The following RBPJ variants were observed in gnomAD, a reference collection of about 807,000 sequenced individuals.
The protein encoded by RBPJ is recombining binding protein suppressor of hairless.
In RBPJ, 9 loss-of-function variants were observed where a neutral mutation model predicts 67.8. That is an observed-to-expected ratio of 0.13 (90% CI 0.08 to 0.23). RBPJ has a LOEUF of 0.23. Ranked by LOEUF, RBPJ falls within the 10% of genes least tolerant of loss-of-function variation. The pLI, the probability that RBPJ is intolerant of heterozygous loss-of-function variation, is 1.00. For missense variants in RBPJ, 305 were observed against 595.6 expected (o/e 0.51, Z 5.08); for synonymous variants, 198 against 203.3 (o/e 0.97, Z 0.22).
chr4:26,114,266 C>G, the RBPJ span, among the ~76,000 whole-genome samples: 1 of 151,970 alleles, frequency 6.6e-6, no homozygotes, highest in Non-Finnish European at 1.5e-5. Context: ...CGAGACCAGC[C>G]TGACCAACAT....
chr4:26,270,409 GAAAGAAAGAAAGAAAGAAAGAAA>G, intron 1 of RBPJ, among the ~76,000 whole-genome samples: 1 of 57,504 alleles, frequency 1.7e-5, no homozygotes, highest in Non-Finnish European at 4.4e-5. Flanking sequence ...AAGAAAGAAA[GAAAGAAAGAAAGAAAGAAAGAAA>G]GAAAGAAGAA....
intron 2 of RBPJ, 143 bp downstream of exon 2, chr4:26,386,534 TC>T (rs1039795089): frequency 2.7e-5 from 15 of 556,554 alleles, no homozygotes; most frequent in African/African-American, 9.8e-5. Context: ...AAACTTCCTT[TC>T]CCTCATCTCT....
rs770864067 is a variant in RBPJ at position 26,406,204 on chromosome 4, G to A, written c.89G>A (p.Arg30Gln). ...GCTATGCGAAATTATTTAAAAGAGC[G>A]AGGGGATCAAACAGTACTTATTCTT... ...REAMRNYLKE[R>Q]GDQTVLILHA... is the part of the protein sequence containing the mutation. The change falls in exon 3 of 11, where the codon CGA becomes CAA. Residue 30 changes from arginine to glutamine, a missense_variant. This residue lies in a region of RBPJ where 42 missense variants were observed against 43.6 expected (regional missense o/e 0.96). Coordinates refer to ENST00000355476, the MANE Select transcript of RBPJ (RefSeq NM_015874.6). 8 of 1,612,288 alleles carry A rather than the reference G, an allele frequency of 5.0e-6. No individual in the cohort carries two copies. The highest frequency in any genetic ancestry group is 2.2e-5 in the South Asian group (2 of 91,016).
intron 1 of RBPJ, among the ~76,000 whole-genome samples, chr4:26,217,303 C>T (rs534376692): frequency 6.6e-6 from 1 of 152,262 alleles, no homozygotes; most frequent in South Asian, 2.1e-4. Flanking sequence ...TAAATGAAAG[C>T]TTATACTGAT....
chr4:26,175,517 C>T (rs1198703465), intron 1 of RBPJ, among the ~76,000 whole-genome samples: 1 of 152,222 alleles, frequency 6.6e-6, no homozygotes, highest in Non-Finnish European at 1.5e-5. Flanking sequence ...CTGGGGCACC[C>T]AGTTACGTTT....
chr4:26,133,551 G>T, the RBPJ span, among the ~76,000 whole-genome samples: 1 of 152,180 alleles, frequency 6.6e-6, no homozygotes, highest in Admixed American at 6.5e-5. Context: ...CAGCGGGTGA[G>T]CAGTAGGTGA....
At chr4:26,398,150 G>A (rs1732351518) in intron 2 of RBPJ, among the ~76,000 whole-genome samples, 1 of 152,102 alleles carries the variant, frequency 6.6e-6, no homozygotes, top group African/African-American at 2.4e-5. Context: ...AGAAGACAGA[G>A]TTCATTTTGG....
chr4:26,407,883 CTTTTTTTTTTTTTTTTT>C (rs61575988), intron 3 of RBPJ, among the ~76,000 whole-genome samples: 2 of 63,622 alleles, frequency 3.1e-5, no homozygotes, highest in African/African-American at 6.6e-5. Context: ...AGCTTTCTTT[CTTTTTTTTTTTTTTTTT>C]TTTTTTTTTT....
At chr4:26,376,103 A>AT (rs1216993613) in intron 1 of RBPJ, among the ~76,000 whole-genome samples, 8 of 152,104 alleles carry the variant, frequency 5.3e-5, no homozygotes, top group African/African-American at 1.7e-4. Flanking sequence ...AACTAAATAT[A>AT]TTTTTTTGTG....
At chr4:26,150,650 G>A in the RBPJ span, among the ~76,000 whole-genome samples, 1 of 152,194 alleles carries the variant, frequency 6.6e-6, no homozygotes, top group Non-Finnish European at 1.5e-5. Flanking sequence ...CACACTGAAA[G>A]AACTTAAAAC....
chr4:26,144,537 T>C, the RBPJ span, among the ~76,000 whole-genome samples: 2 of 152,182 alleles, frequency 1.3e-5, no homozygotes, highest in African/African-American at 2.4e-5. Context: ...CCCAAACTGC[T>C]AGGATTACAG....
Position 26,430,067 on chromosome 4 carries a change from G to C in RBPJ, c.1044+14G>C. ...GAGAGCCTTCAGGTGAGAACGCCTA[G>C]TCCAAGTTGGCCTTCAGCTCTTTGC... On this transcript the variant is annotated intron_variant, in intron 9 of 10. Coordinates refer to ENST00000355476, the MANE Select transcript of RBPJ (RefSeq NM_015874.6). This position sits in a 1 kb window ranked among gnomAD's most constrained non-coding sequence, Gnocchi z 4.1. 1.2e-6 allele frequency: 2 copies of C among 1,613,808 alleles called. No homozygotes were observed. Among genetic ancestry groups the C allele is most frequent in the Non-Finnish European group, 1.7e-6 (2 of 1,179,864 alleles).
At position 26,205,552 on chromosome 4, in the gene RBPJ, C is replaced by A. The variant is rs189101988; in HGVS notation, c.-167+41938C>A. Among the ~76,000 whole-genome samples the A allele has an allele frequency of 8.7e-3, 1,323 of 152,234 alleles. 10 individuals are homozygous for A. Among genetic ancestry groups the A allele is most frequent in the Non-Finnish European group, 0.014 (923 of 68,028 alleles). On this transcript the variant is annotated intron_variant, in intron 1 of 4. Coordinates refer to the RBPJ transcript ENST00000512351. ...CTACTTGGCAGGTGGGGATTCCAGA[C>A]CAGCCTGGGCAACATAGAGAGACAC...
intron 1 of RBPJ, among the ~76,000 whole-genome samples, chr4:26,251,887 T>TA (rs1426467900): frequency 9.4e-4 from 108 of 114,498 alleles, no homozygotes; most frequent in African/African-American, 3.3e-3. Context: ...AGGAGGAGAA[T>TA]AAAAAAGACT....
At chr4:26,386,445 CTTA>C (rs1730927113) in intron 2 of RBPJ, 54 bp downstream of exon 2, 1 of 1,213,866 alleles carries the variant, frequency 8.2e-7, no homozygotes, top group South Asian at 1.4e-5. Context: ...AAGTATAAAT[CTTA>C]TTGTTTTAGA....
upstream of RBPJ, among the ~76,000 whole-genome samples, chr4:26,316,595 A>AAT (rs200472663): frequency 5.8e-5 from 7 of 121,490 alleles, no homozygotes; most frequent in East Asian, 2.7e-4. Flanking sequence ...TCATATATAT[A>AAT]ATATATATAT....
chr4:26,296,871 G>T (rs1416572284), intron 1 of RBPJ, among the ~76,000 whole-genome samples: 2 of 152,114 alleles, frequency 1.3e-5, no homozygotes, highest in Non-Finnish European at 2.9e-5. Context: ...CACTTTCTTG[G>T]CATACATAGA....
chr4:26,305,729 A>G (rs978727110), intron 1 of RBPJ, among the ~76,000 whole-genome samples: 2 of 148,588 alleles, frequency 1.3e-5, no homozygotes, highest in African/African-American at 5.0e-5. Flanking sequence ...TGTTAGTGGT[A>G]CAGATAATAA....
At chr4:26,293,705 A>G (rs560560738) in intron 1 of RBPJ, among the ~76,000 whole-genome samples, 21 of 138,108 alleles carry the variant, frequency 1.5e-4, no homozygotes, top group African/African-American at 4.5e-4. Flanking sequence ...GCTAATTATG[A>G]TGGCAAAACA....
Sources: gnomAD v4.1 joint callset for allele counts (sites outside exome capture counted in the v4.1 genomes callset) on GRCh38, gnomAD v4.1.1 for gene constraint, gnomAD v4.1.1 regional missense constraint, Gnocchi (gnomAD v3.1) non-coding constraint, MANE v1.5 for transcripts, NCBI Gene and HGNC (gene_info 2026-07-23, HGNC 2026-07-21) for gene names.